Variants in CRYBG1 observed in about 807,000 individuals in gnomAD.
CRYBG1 encodes the protein crystallin beta-gamma domain containing 1, also known as beta/gamma crystallin domain-containing protein 1.
Under a neutral mutation model 189.2 loss-of-function variants are expected in CRYBG1, and 139 were observed. The observed-to-expected ratio is 0.73, with a 90% CI of 0.64 to 0.85. The LOEUF (loss-of-function observed/expected upper bound fraction) is 0.85. Ranked by LOEUF, CRYBG1 falls within the 40% of genes least tolerant of loss-of-function variation. The pLI is 0.00. For missense variants in CRYBG1, 2,611 were observed against 2,675.8 expected (o/e 0.98, Z 0.53); for synonymous variants, 1,023 against 1,017.1 (o/e 1.01, Z -0.11).
intron 4 of CRYBG1, among the ~76,000 whole-genome samples, chr6:106,521,734 T>TA (rs1773617253): frequency 6.9e-6 from 1 of 145,946 alleles, no homozygotes; most frequent in African/African-American, 2.6e-5. Flanking sequence ...TTTTTTTTTT[T>TA]TTGAGACAGA....
intron 19 of CRYBG1, among the ~76,000 whole-genome samples, chr6:106,561,127 C>T (rs1286532911): frequency 2.0e-5 from 3 of 152,214 alleles, no homozygotes; most frequent in East Asian, 3.8e-4. Context: ...AACTGAACAT[C>T]AAACGCAGTT....
chr6:106,482,053 C>T (rs867723566), intron 2 of CRYBG1, among the ~76,000 whole-genome samples: 1 of 113,674 alleles, frequency 8.8e-6, no homozygotes, highest in African/African-American at 3.7e-5. Flanking sequence ...AGTGTACTTT[C>T]GCTGTGTCCT....
At chr6:106,564,307 G>A (rs1374733857) in intron 21 of CRYBG1, among the ~76,000 whole-genome samples, 1 of 152,186 alleles carries the variant, frequency 6.6e-6, no homozygotes, top group Non-Finnish European at 1.5e-5. Flanking sequence ...AATAGTGTTA[G>A]GCTAAAAATC....
At chr6:106,423,045 C>T (rs1771158391) in intron 1 of CRYBG1, among the ~76,000 whole-genome samples, 1 of 152,132 alleles carries the variant, frequency 6.6e-6, no homozygotes, top group South Asian at 2.1e-4. Context: ...TATCAGACCA[C>T]CATTTGGTAA....
chr6:106,506,064 G>A (rs747224762), intron 2 of CRYBG1, among the ~76,000 whole-genome samples: 4 of 152,146 alleles, frequency 2.6e-5, no homozygotes, highest in South Asian at 2.1e-4. Flanking sequence ...CCTGTGCACC[G>A]GTAGCTCCAT....
intron 1 of CRYBG1, among the ~76,000 whole-genome samples, chr6:106,400,339 A>C (rs960979731): frequency 1.3e-5 from 2 of 152,190 alleles, no homozygotes; most frequent in Admixed American, 1.3e-4. Context: ...ATATAATGAT[A>C]GACATTGTCA....
At chr6:106,538,613 T>C (rs1774057310) in intron 8 of CRYBG1, among the ~76,000 whole-genome samples, 2 of 152,102 alleles carry the variant, frequency 1.3e-5, no homozygotes, top group Non-Finnish European at 2.9e-5. Context: ...TGATTAGGGC[T>C]GGGCATGGTG....
At chr6:106,502,792 G>A (rs1465632068) in intron 2 of CRYBG1, among the ~76,000 whole-genome samples, 1 of 151,560 alleles carries the variant, frequency 6.6e-6, no homozygotes, top group Non-Finnish European at 1.5e-5. Flanking sequence ...CAAAGTGTGG[G>A]CGAGGTTTTA....
At chr6:106,440,825 T>C (rs1175596064) in intron 1 of CRYBG1, among the ~76,000 whole-genome samples, 1 of 152,240 alleles carries the variant, frequency 6.6e-6, no homozygotes, top group Non-Finnish European at 1.5e-5. Flanking sequence ...CTGATGTTTC[T>C]CAATAATCCC....
At chr6:106,472,686 G>A (rs1244851566) in intron 2 of CRYBG1, among the ~76,000 whole-genome samples, 1 of 151,654 alleles carries the variant, frequency 6.6e-6, no homozygotes, top group African/African-American at 2.4e-5. Flanking sequence ...CTTGAGTCCA[G>A]GAGTTTGAAA....
At chr6:106,367,391 A>C (rs931427931) in intron 1 of CRYBG1, among the ~76,000 whole-genome samples, 3 of 151,680 alleles carry the variant, frequency 2.0e-5, no homozygotes, top group Non-Finnish European at 4.4e-5. Context: ...GATCCAGACC[A>C]TCCTGGTCAA....
At chr6:106,440,787 C>A (rs1171671426) in intron 1 of CRYBG1, among the ~76,000 whole-genome samples, 2 of 152,186 alleles carry the variant, frequency 1.3e-5, no homozygotes, top group Non-Finnish European at 2.9e-5. Flanking sequence ...GTGAAAAATT[C>A]TCCACCCACC....
chr6:106,533,640 A>G (rs1216832660), intron 8 of CRYBG1, among the ~76,000 whole-genome samples: 1 of 152,196 alleles, frequency 6.6e-6, no homozygotes, highest in Non-Finnish European at 1.5e-5. Context: ...TAGAACTAAC[A>G]GCATTTCTGA....
intron 2 of CRYBG1, among the ~76,000 whole-genome samples, chr6:106,462,115 T>C (rs1429580372): frequency 1.3e-5 from 2 of 152,052 alleles, no homozygotes; most frequent in Non-Finnish European, 2.9e-5. Context: ...AAGATACTCA[T>C]TTAGCTATTC....
chr6:106,404,059 T>C (rs1323305811), intron 1 of CRYBG1, among the ~76,000 whole-genome samples: 5 of 152,252 alleles, frequency 3.3e-5, no homozygotes, highest in Non-Finnish European at 4.4e-5. Flanking sequence ...CCCAGATTTC[T>C]CACACATCTG....
intron 2 of CRYBG1, among the ~76,000 whole-genome samples, chr6:106,500,432 A>AC: frequency 1.0e-5 from 1 of 95,530 alleles, no homozygotes; most frequent in East Asian, 2.9e-4. Flanking sequence ...AAAAAAAAAA[A>AC]CAAAAAAAAA....
At position 106,511,636 on chromosome 6, in the gene CRYBG1, C is replaced by T; in HGVS notation, c.519C>T (p.Ser173=). The T allele has an allele frequency of 6.5e-7, 1 of 1,535,814 alleles. No homozygotes were observed. Among genetic ancestry groups the T allele is most frequent in the Non-Finnish European group, 8.7e-7 (1 of 1,146,712 alleles). The part of the protein sequence containing the change: ...RESERSRSQS[S]QLKQTDTSEE... ...GTGAGAGGAGCAGATCTCAGAGCAG[C>T]CAACTGAAGCAAACGGACACAAGCG... The change falls in exon 3 of 22, where the codon AGC becomes AGT. Residue 173 remains serine (S), a synonymous_variant. Transcript: ENST00000633556.
At chr6:106,362,660 C>T (rs1771902785) in intron 1 of CRYBG1, among the ~76,000 whole-genome samples, 1 of 152,130 alleles carries the variant, frequency 6.6e-6, no homozygotes. Flanking sequence ...AGAAAGAAGT[C>T]ATTTTATTTT....
chr6:106,556,299 A>G (rs1774544109), intron 17 of CRYBG1, among the ~76,000 whole-genome samples: 1 of 152,252 alleles, frequency 6.6e-6, no homozygotes, highest in Non-Finnish European at 1.5e-5. Context: ...ACTTGATAGA[A>G]TGAGCAGAAA....
Sources: gnomAD v4.1 joint callset for allele counts (sites outside exome capture counted in the v4.1 genomes callset) on GRCh38, gnomAD v4.1.1 for gene constraint, MANE v1.5 for transcripts, NCBI Gene and HGNC (gene_info 2026-07-23, HGNC 2026-07-21) for gene names.